PALB2: variants seen among roughly 807,000 people sequenced by gnomAD.
The protein encoded by PALB2 is mutant partner and localizer of BRCA2.
In PALB2, 82 loss-of-function variants were observed where a neutral mutation model predicts 107.4. The ratio of observed to expected loss-of-function variants is 0.76; its 90% CI spans 0.64 to 0.92. The LOEUF (loss-of-function observed/expected upper bound fraction) is 0.92, where lower values mean the gene tolerates loss of function less well. Ranked by LOEUF, PALB2 falls within the 40% of genes least tolerant of loss-of-function variation. The pLI, the probability that PALB2 is intolerant of heterozygous loss-of-function variation, is 0.00. For missense variants in PALB2, 1,374 were observed against 1,379.9 expected, an observed-to-expected ratio of 1.00 and a Z score of 0.07; for synonymous variants, 489 against 496.8, an observed-to-expected ratio of 0.98 and a Z score of 0.21.
At chr16:23,621,858 C>A (rs117691965) in intron 9 of PALB2, among the ~76,000 whole-genome samples, 1 of 152,080 alleles carries the variant, frequency 6.6e-6, no homozygotes, top group African/African-American at 2.4e-5. Flanking sequence ...ACCCACATTT[C>A]GAGCTTGGTC....
At position 23,621,376 on chromosome 16, in the gene PALB2, G is replaced by A. The variant is rs1057523064; in HGVS notation, c.3099C>T (p.Asn1033=). The A allele has an allele frequency of 3.7e-6, 6 of 1,610,546 alleles. No individual in the cohort carries two copies. In the Admixed American group the frequency reaches 5.0e-5, roughly 13 times the overall value. The part of the protein sequence containing the change: ...QEALLGTTIM[N]NIVIWNLKTG... The stretch of plus-strand genomic sequence containing the variant: ...GGAAAGCTTACCAAATAACAATGTT[G>A]TTCATAATAGTAGTACCAAGCAGAG... The change falls in exon 10 of 13, where the codon AAC becomes AAT. Residue 1033 remains asparagine (N), a synonymous_variant. Transcript: ENST00000261584.
At chr16:23,631,293 A>C (rs934213192) in intron 4 of PALB2, among the ~76,000 whole-genome samples, 8 of 148,866 alleles carry the variant, frequency 5.4e-5, no homozygotes, top group Non-Finnish European at 7.4e-5. Flanking sequence ...AAAAAAAAAA[A>C]AAAAAAAAAA....
chr16:23,633,795 C>G (rs1224494574), intron 4 of PALB2, among the ~76,000 whole-genome samples: 1 of 152,128 alleles, frequency 6.6e-6, no homozygotes, highest in Non-Finnish European at 1.5e-5. Flanking sequence ...CCTCAACCTC[C>G]TGAGCTCAAG....
chr16:23,623,167 G>C (rs762347872), intron 8 of PALB2, 37 bp from the exon 9 acceptor site: 10 of 1,557,872 alleles, frequency 6.4e-6, no homozygotes, highest in Non-Finnish European at 8.8e-6. Context: ...GTGATGTGAG[G>C]AGTAACCTTT....
In PALB2 at chr16:23,635,306, G is replaced by A. The variant is rs180177100; in HGVS notation, c.1240C>T (p.Arg414Ter). 15 of 1,613,912 alleles carry A rather than the reference G, an allele frequency of 9.3e-6. No individual in the cohort carries two copies. The highest frequency in any genetic ancestry group is 3.3e-5 in the Admixed American group (2 of 59,990). Reference sequence around the variant, plus strand: ...TTCCTCTGGCAATTGGACATGCTTCGTGTTGTTCTAACATAATATTCTGCA... The same window carrying A: ...TTCCTCTGGCAATTGGACATGCTTCATGTTGTTCTAACATAATATTCTGCA... Reference protein sequence around the residue: ...FPAEYYVRTTRSMSNCQRKVA... With the variant: ...FPAEYYVRTT Residue 414 changes from arginine to a stop codon, truncating the protein, a stop_gained, in exon 4 of 13, where the codon CGA (arginine) becomes TGA (stop). Transcript: ENST00000261584. LOFTEE classifies it high-confidence loss of function.
chr16:23,633,550 A>G (rs1048496510), intron 4 of PALB2, among the ~76,000 whole-genome samples: 1 of 152,246 alleles, frequency 6.6e-6, no homozygotes, highest in Non-Finnish European at 1.5e-5. Context: ...AAATGAATTG[A>G]AAGTTTAAAT....
chr16:23,618,408 G>A (rs1264583242), intron 10 of PALB2, among the ~76,000 whole-genome samples: 1 of 152,112 alleles, frequency 6.6e-6, no homozygotes, highest in Non-Finnish European at 1.5e-5. Flanking sequence ...ACTGAGAGAT[G>A]GGAAGGAAAA....
Position 23,635,259 on chromosome 16 carries a change from A to C in PALB2, c.1287T>G (p.Ile429Met), listed in dbSNP as rs1966979451. Reference sequence around the variant, plus strand: ...TTTTCTTGACATCCAAATGACTCTGAATGACAGCCTCCACGGCTACTTTCC... The same window carrying C: ...TTTTCTTGACATCCAAATGACTCTGCATGACAGCCTCCACGGCTACTTTCC... The part of the protein sequence containing the change: ...CQRKVAVEAV[I>M]QSHLDVKKKG... Residue 429 changes from isoleucine to methionine, a missense_variant, in exon 4 of 13, where the codon ATT becomes ATG. Physicochemically the swap from Ile to Met is conservative, Grantham distance 10. Coordinates refer to ENST00000261584, the MANE Select transcript of PALB2 (RefSeq NM_024675.4). The C allele has an allele frequency of 6.2e-7, 1 of 1,614,080 alleles. No individual in the cohort carries two copies. The highest frequency in any genetic ancestry group is 8.5e-7 in the Non-Finnish European group (1 of 1,180,018).
intron 11 of PALB2, among the ~76,000 whole-genome samples, chr16:23,612,344 G>A (rs1266808714): frequency 1.3e-5 from 2 of 151,818 alleles, no homozygotes; most frequent in African/African-American, 2.4e-5. Flanking sequence ...TCAGCCTCCT[G>A]AGTAGCTGGG....
chr16:23,606,753 G>C (rs1966483071), intron 12 of PALB2, among the ~76,000 whole-genome samples: 1 of 151,054 alleles, frequency 6.6e-6, no homozygotes, highest in African/African-American at 2.4e-5. Flanking sequence ...TCGAACTCCT[G>C]ACCTCATGAT....
rs755129205 is a variant in PALB2, at chr16:23,635,614, T to C, written c.932A>G (p.Lys311Arg). The part of the protein sequence containing the change: ...DNLLVNKAIS[K>R]SGQLPTSSNL... ...AGAACTTGTGGGCAGTTGGCCACTTTTACTTATAGCTTTATTTACAAGGAG... is the reference window on the plus strand; with the variant it reads ...AGAACTTGTGGGCAGTTGGCCACTTCTACTTATAGCTTTATTTACAAGGAG... Residue 311 changes from lysine to arginine, a missense_variant, in exon 4 of 13, where the codon AAA (lysine) becomes AGA (arginine). Lys to Arg is a conservative substitution (Grantham distance 26). Transcript: ENST00000261584. 3.1e-6 allele frequency: 5 copies of C among 1,614,056 alleles called. No individual in the cohort carries two copies. Among genetic ancestry groups the C allele is most frequent in the Admixed American group, 3.3e-5 (2 of 60,008 alleles).
chr16:23,605,628 C>T (rs1380464331), intron 12 of PALB2, among the ~76,000 whole-genome samples: 1 of 152,130 alleles, frequency 6.6e-6, no homozygotes, highest in Non-Finnish European at 1.5e-5. Flanking sequence ...AGGCTGGTCG[C>T]GAACTCCTGA....
At chr16:23,610,247 T>C (rs766479848) in intron 11 of PALB2, among the ~76,000 whole-genome samples, 3 of 151,648 alleles carry the variant, frequency 2.0e-5, no homozygotes, top group Non-Finnish European at 4.4e-5. Context: ...CGTCTGGTCA[T>C]ATATGGAAAA....
rs1597101837 is a variant in PALB2 at position 23,638,085 on chromosome 16, T to C, written c.93A>G (p.Thr31=). 1 of 1,614,092 alleles carries C rather than the reference T, an allele frequency of 6.2e-7. No individual in the cohort carries two copies. Among genetic ancestry groups the C allele is most frequent in the Non-Finnish European group, 8.5e-7 (1 of 1,179,926 alleles). ...LAFLKREYSK[T]LARLQRAQRA... ...ATTCACTTACCTGAAGGCGGGCTAGTGTCTTGCTGTATTCCCTTTTCAAGA... is the reference window on the plus strand; with the variant it reads ...ATTCACTTACCTGAAGGCGGGCTAGCGTCTTGCTGTATTCCCTTTTCAAGA... The change falls in exon 2 of 13, where the codon ACA becomes ACG. Residue 31 remains threonine, a synonymous_variant. Coordinates refer to ENST00000261584, the MANE Select transcript of PALB2 (RefSeq NM_024675.4).
chr16:23,619,851 C>T (rs947851530), intron 10 of PALB2, among the ~76,000 whole-genome samples: 4 of 152,032 alleles, frequency 2.6e-5, no homozygotes, highest in Non-Finnish European at 5.9e-5. Context: ...GCAATCTTGA[C>T]TCACTGCAAC....
intron 10 of PALB2, among the ~76,000 whole-genome samples, chr16:23,619,355 T>G (rs1235172251): frequency 6.6e-6 from 1 of 152,138 alleles, no homozygotes; most frequent in Non-Finnish European, 1.5e-5. Context: ...ACTTTTTTCT[T>G]TTCTTTTTTT....
intron 9 of PALB2, among the ~76,000 whole-genome samples, chr16:23,622,345 AG>A (rs1252443045): frequency 6.6e-6 from 1 of 152,012 alleles, no homozygotes; most frequent in Non-Finnish European, 1.5e-5. Flanking sequence ...GAACGAGGAA[AG>A]GGTCTAGGAC....
chr16:23,623,769 T>A (rs1212347920), intron 8 of PALB2: 1 of 478,574 alleles, frequency 2.1e-6, no homozygotes, highest in Non-Finnish European at 3.8e-6. Context: ...TCCACCTTCC[T>A]TGGCCTCCCA....
chr16:23,638,472 C>T, intron 1 of PALB2: 1 of 468,038 alleles, frequency 2.1e-6, no homozygotes, highest in Non-Finnish European at 4.1e-6. Context: ...AGTATTCTCA[C>T]ACTATGTTCT....
Sources: allele counts gnomAD v4.1 joint callset (sites outside exome capture counted in the v4.1 genomes callset), GRCh38; gene constraint gnomAD v4.1.1; transcripts MANE v1.5; gene names NCBI Gene and HGNC (gene_info 2026-07-23, HGNC 2026-07-21).